Variants in NEDD9 observed in about 807,000 individuals in gnomAD.
The protein encoded by NEDD9 is neural precursor cell expressed, developmentally down-regulated 9, also known as enhancer of filamentation 1.
Under a neutral mutation model 76.6 loss-of-function variants are expected in NEDD9, and 26 were observed. The observed-to-expected ratio is 0.34, with a 90% CI of 0.25 to 0.47. The LOEUF is 0.47. Ranked by LOEUF, NEDD9 falls within the 20% of genes least tolerant of loss-of-function variation. The probability of loss-of-function intolerance (pLI) is 1.00; values close to 1 mark genes in which losing one functional copy is unlikely to be tolerated. For synonymous variants in NEDD9, 392 were observed against 414.2 expected, an observed-to-expected ratio of 0.95 and a Z score of 0.65; for missense variants, 937 against 1,058.5, an observed-to-expected ratio of 0.89 and a Z score of 1.59.
intron 3 of NEDD9, among the ~76,000 whole-genome samples, chr6:11,244,686 G>T (rs1719596703): frequency 6.6e-6 from 1 of 152,136 alleles, no homozygotes; most frequent in Non-Finnish European, 1.5e-5. Context: ...ATGAAGCCTG[G>T]GAGAGAGACA....
chr6:11,347,895 C>T (rs553580084), intron 1 of NEDD9, among the ~76,000 whole-genome samples: 142 of 152,278 alleles, frequency 9.3e-4, no homozygotes, highest in South Asian at 6.0e-3. Context: ...GACAAGGATG[C>T]CCTCTCTCAC....
At chr6:11,246,916 G>A (rs1759823082) in intron 3 of NEDD9, among the ~76,000 whole-genome samples, 1 of 152,096 alleles carries the variant, frequency 6.6e-6, no homozygotes, top group African/African-American at 2.4e-5. Context: ...ACATGTGACT[G>A]TTCATGGCTC....
intron 2 of NEDD9, among the ~76,000 whole-genome samples, chr6:11,206,343 T>C (rs1758616060): frequency 6.6e-6 from 1 of 152,068 alleles, no homozygotes; most frequent in South Asian, 2.1e-4. Context: ...CGCTTGAACC[T>C]GGGAGGCGGA....
At chr6:11,269,353 A>G (rs1239146910) in intron 3 of NEDD9, among the ~76,000 whole-genome samples, 1 of 152,150 alleles carries the variant, frequency 6.6e-6, no homozygotes, top group African/African-American at 2.4e-5. Flanking sequence ...AGCGTGGAAA[A>G]CCTTTATTTT....
At chr6:11,284,520 C>T (rs548244552) in intron 3 of NEDD9, among the ~76,000 whole-genome samples, 330 of 151,100 alleles carry the variant, frequency 2.2e-3, no homozygotes, top group African/African-American at 7.1e-3. Flanking sequence ...GAGATAAGAT[C>T]GCGCCACTGC....
At chr6:11,365,792 A>G (rs1357967774) in intron 1 of NEDD9, among the ~76,000 whole-genome samples, 1 of 151,994 alleles carries the variant, frequency 6.6e-6, no homozygotes, top group East Asian at 1.9e-4. Flanking sequence ...GGAATTCAAG[A>G]CTAGCCTGGC....
intron 1 of NEDD9, among the ~76,000 whole-genome samples, chr6:11,224,426 G>A (rs1412614863): frequency 6.6e-6 from 1 of 152,174 alleles, no homozygotes; most frequent in Admixed American, 6.5e-5. Flanking sequence ...TGGGCTCTGA[G>A]TGGAGAGGGT....
At chr6:11,303,338 T>A (rs1179106962) in intron 3 of NEDD9, among the ~76,000 whole-genome samples, 1 of 152,124 alleles carries the variant, frequency 6.6e-6, no homozygotes, top group Non-Finnish European at 1.5e-5. Context: ...CAAGGAGAAC[T>A]ACAAACCACT....
chr6:11,297,131 TG>T (rs1760917674), intron 3 of NEDD9, among the ~76,000 whole-genome samples: 1 of 135,610 alleles, frequency 7.4e-6, no homozygotes, highest in Non-Finnish European at 1.6e-5. Context: ...TAATTTGTTT[TG>T]TTTTTTTTTT....
chr6:11,275,554 A>G (rs965310728), intron 3 of NEDD9, among the ~76,000 whole-genome samples: 1 of 150,590 alleles, frequency 6.6e-6, no homozygotes, highest in African/African-American at 2.5e-5. Context: ...ATACACACAC[A>G]CACACACACA....
At chr6:11,357,302 C>T (rs560330511) in intron 1 of NEDD9, among the ~76,000 whole-genome samples, 40 of 152,290 alleles carry the variant, frequency 2.6e-4, no homozygotes, top group Admixed American at 2.0e-3. Context: ...TGATCACACC[C>T]GCATCCTTTG....
Position 11,316,043 on chromosome 6 carries a change from C to A in NEDD9, c.-152-9888G>T, listed in dbSNP as rs1276538668. 2.0e-5 allele frequency among the ~76,000 whole-genome samples: 3 copies of A among 152,228 alleles called. No individual in the cohort carries two copies. The East Asian group carries it at 5.8e-4, about 29-fold the overall frequency. The stretch of plus-strand genomic sequence containing the variant: ...TGATTCTTTCTCTGGTCTTTGCCAG[C>A]AGATTTTTAGGAATCTCCTGGCAGA... On this transcript the variant is annotated intron_variant, in intron 2 of 3. Coordinates refer to the NEDD9 transcript ENST00000397378.
intron 2 of NEDD9, chr6:11,201,131 A>C: frequency 1.3e-6 from 2 of 1,527,272 alleles, no homozygotes; most frequent in South Asian, 2.2e-5. Context: ...CCTTGGGGGC[A>C]CTTCTTTCCT....
At chr6:11,232,212 A>T (rs761711886) in intron 1 of NEDD9, among the ~76,000 whole-genome samples, 44 of 152,238 alleles carry the variant, frequency 2.9e-4, no homozygotes, top group Middle Eastern at 3.4e-3. Context: ...ACACCCTCTG[A>T]TCTCCAGTGG....
chr6:11,375,902 G>T (rs1762961535), intron 1 of NEDD9, among the ~76,000 whole-genome samples: 1 of 152,030 alleles, frequency 6.6e-6, no homozygotes, highest in African/African-American at 2.4e-5. Flanking sequence ...TCGGCTCACT[G>T]CAAGCTCCGC....
chr6:11,200,422 C>A, intron 2 of NEDD9: 1 of 740,596 alleles, frequency 1.4e-6, no homozygotes, highest in South Asian at 2.1e-5. Flanking sequence ...TACAAATGTA[C>A]TGAAAATACA....
rs1425906606 is a variant in NEDD9, at chr6:11,198,444, C to T, written c.460-4752G>A. The T allele has an allele frequency of 1.3e-5, 2 of 152,244 alleles. No homozygotes were observed. The highest frequency in any genetic ancestry group is 2.9e-5 in the Non-Finnish European group (2 of 68,136). The allele number at this position is 152,244 out of a possible 1,614,324, so 9.4% of individuals were successfully genotyped here. A position where few individuals can be genotyped will look rare whatever the true frequency, so the allele number is the denominator to read the frequency against. On this transcript the variant is annotated intron_variant, in intron 2 of 6. Transcript: ENST00000379446. This position sits in a 1 kb window ranked among gnomAD's most constrained non-coding sequence, Gnocchi z 4.7. ...ATGCCATGTCCTTGTCTGAGATGCT[C>T]TTCTTTCTTTCCTCATATTCAAACT... is the stretch of plus-strand genomic sequence containing the variant.
intron 2 of NEDD9, among the ~76,000 whole-genome samples, chr6:11,325,074 G>C (rs1761892360): frequency 6.6e-6 from 1 of 152,204 alleles, no homozygotes; most frequent in Non-Finnish European, 1.5e-5. Flanking sequence ...GCATGTATCA[G>C]GCCGGGCACG....
In NEDD9 at chr6:11,183,917, G is replaced by A. The variant is rs754517195; in HGVS notation, c.*1245C>T. 6.6e-6 allele frequency: 1 copy of A among 152,206 alleles called. No individual in the cohort carries two copies. The highest frequency in any genetic ancestry group is 1.5e-5 in the Non-Finnish European group (1 of 68,044). The allele number at this position is 152,206 out of a possible 1,614,324, so 9.4% of individuals were successfully genotyped here. On this transcript the variant is annotated 3_prime_UTR_variant, in exon 7 of 7. Transcript: ENST00000379446. ...TGCCCCATGAAGAACCTGATGGCTT[G>A]TGGTGTCTGTGCTGTGTCAATACTA... is the stretch of plus-strand genomic sequence containing the variant.
Sources: allele counts gnomAD v4.1 joint callset (sites outside exome capture counted in the v4.1 genomes callset), GRCh38; gene constraint gnomAD v4.1.1; non-coding constraint Gnocchi (gnomAD v3.1); transcripts MANE v1.5; gene names NCBI Gene and HGNC (gene_info 2026-07-23, HGNC 2026-07-21).